MECOM: variants seen among roughly 807,000 people sequenced by gnomAD.
The protein encoded by MECOM is MDS1 and EVI1 complex locus.
MECOM carries 13 observed loss-of-function variants against 116.3 expected under a neutral mutation model. The ratio of observed to expected loss-of-function variants is 0.11; its 90% CI spans 0.07 to 0.18. MECOM has a LOEUF of 0.18. Among genes scored for constraint, MECOM ranks in the 10% least tolerant of loss-of-function variants. The pLI is 1.00. For synonymous variants in MECOM, 528 were observed against 535.2 expected, an observed-to-expected ratio of 0.99 and a Z score of 0.19; for missense variants, 1,299 against 1,509.0, an observed-to-expected ratio of 0.86 and a Z score of 2.31.
rs997961196 is a variant in MECOM at position 169,152,530 on chromosome 3, G to A, written c.376-8698C>T. On this transcript the variant is annotated intron_variant, in intron 2 of 16. Coordinates refer to ENST00000651503, the MANE Select transcript of MECOM (RefSeq NM_004991.4). The stretch of plus-strand genomic sequence containing the variant: ...TTCAGGCATGTTTACTCTCCTATTC[G>A]GCTCTCCGAGGAGTAGTCCAGCACG... Among the ~76,000 whole-genome samples the A allele has an allele frequency of 1.4e-4, 21 of 152,038 alleles. 1 individual carries two copies. Among genetic ancestry groups the A allele is most frequent in the African/African-American group, 4.1e-4 (17 of 41,392 alleles).
chr3:169,629,150 A>G (rs1198912634), intron 1 of MECOM, among the ~76,000 whole-genome samples: 1 of 147,686 alleles, frequency 6.8e-6, no homozygotes, highest in East Asian at 2.0e-4. Flanking sequence ...ATCTCTAAAG[A>G]TAGCCATTGG....
At chr3:169,610,953 G>A (rs1769189813) in intron 1 of MECOM, among the ~76,000 whole-genome samples, 1 of 152,174 alleles carries the variant, frequency 6.6e-6, no homozygotes, top group African/African-American at 2.4e-5. Context: ...TCTAAACTCA[G>A]GTTTCCTCTG....
At chr3:169,263,264 G>A (rs2149622345) in intron 2 of MECOM, among the ~76,000 whole-genome samples, 1 of 150,148 alleles carries the variant, frequency 6.7e-6, no homozygotes, top group East Asian at 2.0e-4. Flanking sequence ...GAGTAGCTGG[G>A]ACTACAGGCG....
At chr3:169,422,267 A>T (rs1248225793) in intron 1 of MECOM, among the ~76,000 whole-genome samples, 1 of 152,100 alleles carries the variant, frequency 6.6e-6, no homozygotes, top group Non-Finnish European at 1.5e-5. Context: ...AATTAGTGTA[A>T]TAATGAAGAG....
At chr3:169,183,537 G>C (rs1461943338) in intron 2 of MECOM, among the ~76,000 whole-genome samples, 2 of 152,024 alleles carry the variant, frequency 1.3e-5, no homozygotes, top group Non-Finnish European at 2.9e-5. Context: ...CCCTTTTGCT[G>C]AAAAATGTTC....
intron 2 of MECOM, among the ~76,000 whole-genome samples, chr3:169,271,995 C>A (rs1231896893): frequency 6.6e-6 from 1 of 152,204 alleles, no homozygotes; most frequent in East Asian, 1.9e-4. Flanking sequence ...CTGTTCACCA[C>A]ACATTAACCC....
At chr3:169,373,998 C>G (rs760236263) in intron 2 of MECOM, among the ~76,000 whole-genome samples, 4 of 151,968 alleles carry the variant, frequency 2.6e-5, no homozygotes, top group Admixed American at 1.3e-4. Context: ...GCCCTAACCC[C>G]CATTAGGGCT....
At chr3:169,183,022 A>T (rs768842591) in intron 2 of MECOM, among the ~76,000 whole-genome samples, 10 of 152,208 alleles carry the variant, frequency 6.6e-5, no homozygotes, top group Non-Finnish European at 1.5e-5. Flanking sequence ...GTGCGAGTTA[A>T]TTAACCTTGC....
chr3:169,338,703 A>G (rs543273625), intron 2 of MECOM, among the ~76,000 whole-genome samples: 13 of 151,956 alleles, frequency 8.6e-5, no homozygotes, highest in African/African-American at 2.9e-4. Flanking sequence ...TCATTCCTCT[A>G]TGCAAGGTTG....
At position 169,097,828 on chromosome 3, in the gene MECOM, A is replaced by AAAAAAAAAAAAAAG. The variant is rs1722175350; in HGVS notation, c.2850-2584_2850-2583insCTTTTTTTTTTTTT. The stretch of plus-strand genomic sequence containing the variant: ...ACCTACTGTCTATATAAAAAAAAAA[A>AAAAAAAAAAAAAAG]AAAAAAAAAAAAGGTGGATTCCACT... On this transcript the variant is annotated intron_variant, in intron 12 of 16. Coordinates refer to ENST00000651503, the MANE Select transcript of MECOM (RefSeq NM_004991.4). Among the ~76,000 whole-genome samples, 6 of 148,742 alleles carry AAAAAAAAAAAAAAG rather than the reference A, an allele frequency of 4.0e-5. 1 individual carries two copies. The highest frequency in any genetic ancestry group is 7.4e-5 in the Non-Finnish European group (5 of 67,116).
At chr3:169,374,479 A>T (rs1294262840) in intron 2 of MECOM, among the ~76,000 whole-genome samples, 1 of 151,974 alleles carries the variant, frequency 6.6e-6, no homozygotes, top group Non-Finnish European at 1.5e-5. Flanking sequence ...TTGCACTAGG[A>T]GAATACACCT....
intron 1 of MECOM, among the ~76,000 whole-genome samples, chr3:169,454,634 C>T (rs1201178911): frequency 6.6e-6 from 1 of 152,010 alleles, no homozygotes; most frequent in Non-Finnish European, 1.5e-5. Flanking sequence ...TTTGGTGTAA[C>T]ACTATCCTTG....
chr3:169,169,750 A>G (rs1180122229), intron 2 of MECOM, among the ~76,000 whole-genome samples: 2 of 152,126 alleles, frequency 1.3e-5, no homozygotes, highest in Admixed American at 6.5e-5. Flanking sequence ...TAACCATCTT[A>G]TCAGAAGTTT....
chr3:169,663,312 A>G (rs747809297), intron 1 of MECOM, 24 bp downstream of exon 1: 9 of 1,602,538 alleles, frequency 5.6e-6, no homozygotes, highest in East Asian at 4.5e-5. Flanking sequence ...GGAAAAGCCA[A>G]TAGAAAAGGG....
At chr3:169,283,173 G>A (rs1429337098) in intron 2 of MECOM, among the ~76,000 whole-genome samples, 1 of 152,050 alleles carries the variant, frequency 6.6e-6, no homozygotes, top group East Asian at 1.9e-4. Flanking sequence ...AGGGAGAAAG[G>A]GATGAGGGTT....
chr3:169,337,958 T>C (rs1165141974), intron 2 of MECOM, among the ~76,000 whole-genome samples: 3 of 152,202 alleles, frequency 2.0e-5, no homozygotes, highest in African/African-American at 7.2e-5. Flanking sequence ...CAATACTGTT[T>C]ACCAAAGAAA....
chr3:169,521,185 C>T lies in MECOM; in HGVS notation c.38-139661G>A, dbSNP rs188798409. On this transcript the variant is annotated intron_variant, in intron 1 of 16. Transcript: ENST00000651503. ...TATCAAAGACCTAGGCTGGTTGGGTCCAGAGTTCTGGGGCCAGAGGGTCAA... is the reference window on the plus strand; with the variant it reads ...TATCAAAGACCTAGGCTGGTTGGGTTCAGAGTTCTGGGGCCAGAGGGTCAA... Among the ~76,000 whole-genome samples the T allele has an allele frequency of 4.0e-3, 610 of 152,198 alleles. 2 individuals carry two copies. Among genetic ancestry groups the T allele is most frequent in the Middle Eastern group, 6.8e-3 (2 of 294 alleles).
chr3:169,443,947 C>T (rs1273908531), intron 1 of MECOM, among the ~76,000 whole-genome samples: 1 of 152,200 alleles, frequency 6.6e-6, no homozygotes, highest in Non-Finnish European at 1.5e-5. Flanking sequence ...CATCAAATCC[C>T]ACTAAATAGA....
At chr3:169,618,501 C>CA (rs1770293050) in intron 1 of MECOM, among the ~76,000 whole-genome samples, 2 of 151,928 alleles carry the variant, frequency 1.3e-5, no homozygotes, top group Non-Finnish European at 2.9e-5. Context: ...ACTAAAAACA[C>CA]AAAAAATTAG....
Sources: allele counts gnomAD v4.1 joint callset (sites outside exome capture counted in the v4.1 genomes callset), GRCh38; gene constraint gnomAD v4.1.1; transcripts MANE v1.5; gene names NCBI Gene and HGNC (gene_info 2026-07-23, HGNC 2026-07-21).